The following RAP1GAP variants were observed in gnomAD, a reference collection of about 807,000 sequenced individuals.
RAP1GAP encodes RAP1 GTPase activating protein.
RAP1GAP carries 35 observed loss-of-function variants against 87.2 expected under a neutral mutation model. The ratio of observed to expected loss-of-function variants is 0.40; its 90% CI spans 0.31 to 0.53. The LOEUF (loss-of-function observed/expected upper bound fraction) is 0.53. Ranked by LOEUF, RAP1GAP falls within the 20% of genes least tolerant of loss-of-function variation. RAP1GAP has a pLI of 0.48. For missense variants in RAP1GAP, 734 were observed against 898.9 expected, an observed-to-expected ratio of 0.82 and a Z score of 2.35; for synonymous variants, 375 against 363.9, an observed-to-expected ratio of 1.03 and a Z score of -0.35.
rs570229293 is a variant in RAP1GAP, at chr1:21,609,335, G to T, written c.1071+240C>A. Among the ~76,000 whole-genome samples, 19 of 151,770 alleles carry T rather than the reference G, an allele frequency of 1.3e-4. No individual in the cohort carries two copies. The highest frequency in any genetic ancestry group is 2.5e-4 in the Non-Finnish European group (17 of 68,008). On this transcript the variant is annotated intron_variant, in intron 15 of 24. Transcript: ENST00000374765. The surrounding 1 kb of genome is among the most constrained non-coding windows in gnomAD (Gnocchi z 4.4). Reference sequence around the variant, plus strand: ...CAGAAAGAGAACAGAAATGAGGAGAGGCCAGTCTACTATGGAAAGTGTAAA... The same window carrying T: ...CAGAAAGAGAACAGAAATGAGGAGATGCCAGTCTACTATGGAAAGTGTAAA...
intron 5 of RAP1GAP, 50 bp downstream of exon 5, chr1:21,618,975 G>A (rs376654358): frequency 9.6e-5 from 148 of 1,539,664 alleles, no homozygotes; most frequent in Non-Finnish European, 1.3e-4. Context: ...AGCACTTCCC[G>A]GACCCCCTCC....
chr1:21,605,726 C>G (rs1317008951), intron 18 of RAP1GAP, among the ~76,000 whole-genome samples: 2 of 152,236 alleles, frequency 1.3e-5, no homozygotes, highest in Non-Finnish European at 2.9e-5. Flanking sequence ...GCCCAGTCCC[C>G]AGCAAACAGA....
At chr1:21,645,529 G>C (rs551939110) in intron 2 of RAP1GAP, among the ~76,000 whole-genome samples, 8 of 152,354 alleles carry the variant, frequency 5.3e-5, no homozygotes, top group African/African-American at 1.2e-4. Flanking sequence ...AGAAGTGGCT[G>C]CTAGGATAGC....
intron 2 of RAP1GAP, among the ~76,000 whole-genome samples, chr1:21,637,787 C>A (rs1205166950): frequency 6.6e-6 from 1 of 151,946 alleles, no homozygotes; most frequent in Non-Finnish European, 1.5e-5. Context: ...GTGAATAAAG[C>A]GGGCTGCACA....
At chr1:21,630,248 A>G (rs2093444584) in intron 2 of RAP1GAP, among the ~76,000 whole-genome samples, 1 of 150,604 alleles carries the variant, frequency 6.6e-6, no homozygotes, top group Admixed American at 6.7e-5. Context: ...TGCTCAATAA[A>G]TACTTTTTTC....
chr1:21,665,819 G>T (rs2097325028), intron 1 of RAP1GAP, among the ~76,000 whole-genome samples: 1 of 152,220 alleles, frequency 6.6e-6, no homozygotes, highest in Non-Finnish European at 1.5e-5. Flanking sequence ...CCCCTGCTTG[G>T]CCCTAGTGTG....
intron 18 of RAP1GAP, 148 bp downstream of exon 18, chr1:21,605,918 A>C (rs1025018019): frequency 1.9e-5 from 20 of 1,044,988 alleles, no homozygotes; most frequent in Non-Finnish European, 2.7e-5. Flanking sequence ...CTCCCATGGA[A>C]AGTAGTGGCT....
At chr1:21,605,022 T>G (rs1175734690) in intron 18 of RAP1GAP, among the ~76,000 whole-genome samples, 1 of 91,160 alleles carries the variant, frequency 1.1e-5, no homozygotes, top group African/African-American at 4.4e-5. Context: ...GATAGCTAGA[T>G]GGGTGGATGG....
chr1:21,611,542 C>T lies in RAP1GAP; in HGVS notation c.753G>A (p.Gly251=). The part of the protein sequence containing the change: ...GGLDVTHGQT[G]TESVYCNFRN... Reference sequence around the variant, plus strand: ...GGAAGTTGCAGTACACAGATTCGGTCCCCGTCTGCCCGTGGGTCACGTCCA... The same window carrying T: ...GGAAGTTGCAGTACACAGATTCGGTTCCCGTCTGCCCGTGGGTCACGTCCA... The change falls in exon 13 of 25, where the codon GGG becomes GGA. Residue 251 remains glycine (G), a synonymous_variant. Coordinates refer to ENST00000374765, the MANE Select transcript of RAP1GAP (RefSeq NM_002885.4). The T allele has an allele frequency of 6.2e-7, 1 of 1,614,184 alleles. No individual in the cohort carries two copies. Among genetic ancestry groups the T allele is most frequent in the Non-Finnish European group, 8.5e-7 (1 of 1,180,030 alleles).
chr1:21,651,485 G>A (rs769908706), intron 1 of RAP1GAP: 6 of 624,178 alleles, frequency 9.6e-6, no homozygotes, highest in South Asian at 4.2e-5. Flanking sequence ...ATGCATAAGC[G>A]CCACTATCAT....
At chr1:21,599,120 G>A (rs978246451) in intron 21 of RAP1GAP, among the ~76,000 whole-genome samples, 6 of 152,244 alleles carry the variant, frequency 3.9e-5, no homozygotes, top group Non-Finnish European at 8.8e-5. Context: ...AAAGAAAGGA[G>A]GAGGCGGCAG....
intron 2 of RAP1GAP, among the ~76,000 whole-genome samples, chr1:21,630,300 C>T (rs2093471200): frequency 2.0e-5 from 3 of 150,476 alleles, no homozygotes. Context: ...CAGGATCTTG[C>T]TCTTGCTGCC....
intron 6 of RAP1GAP, 70 bp downstream of exon 6, chr1:21,617,864 G>A (rs1038333604): frequency 1.8e-5 from 28 of 1,595,798 alleles, no homozygotes; most frequent in Non-Finnish European, 2.4e-5. Context: ...GGAGGACCTG[G>A]TATCCAGAAG....
intron 1 of RAP1GAP, among the ~76,000 whole-genome samples, chr1:21,663,709 G>A (rs960183938): frequency 2.0e-5 from 3 of 152,110 alleles, no homozygotes; most frequent in Non-Finnish European, 4.4e-5. Flanking sequence ...GCAGAGGGCT[G>A]GACCCATCTG....
intron 7 of RAP1GAP, among the ~76,000 whole-genome samples, chr1:21,616,111 C>A (rs1371518120): frequency 2.0e-5 from 3 of 150,128 alleles, no homozygotes; most frequent in African/African-American, 7.4e-5. Context: ...TCTTCCGAAC[C>A]CCCAAGGAGT....
At chr1:21,643,005 T>G (rs2095664181) in intron 2 of RAP1GAP, among the ~76,000 whole-genome samples, 1 of 151,958 alleles carries the variant, frequency 6.6e-6, no homozygotes. Flanking sequence ...TTCTCTGAGA[T>G]CTCAGCAACC....
At position 21,597,722 on chromosome 1, in the gene RAP1GAP, A is replaced by C; in HGVS notation, c.1990T>G (p.Ter664GluextTer6). ...CACCTTCAGAGGGGGTGGCCCGGCT[A>C]ACAGCCCTGCAGACAGACAGTGGTG... ...SEQHMPQLGC[*>E] is the part of the protein sequence containing the mutation. Residue 664 changes from the stop codon to glutamate (E), a stop_lost, in exon 24 of 25, where the codon TAG (stop) becomes GAG (glutamate). Coordinates refer to ENST00000374765, the MANE Select transcript of RAP1GAP (RefSeq NM_002885.4). The C allele has an allele frequency of 6.2e-7, 1 of 1,613,482 alleles. No individual in the cohort carries two copies. The highest frequency in any genetic ancestry group is 8.5e-7 in the Non-Finnish European group (1 of 1,179,596).
At chr1:21,611,624 G>C in intron 12 of RAP1GAP, 43 bp from the exon 13 acceptor site, 2 of 1,613,784 alleles carry the variant, frequency 1.2e-6, no homozygotes, top group Middle Eastern at 1.7e-4. Flanking sequence ...CTCCAGCCCT[G>C]GCCAGGCCTC....
At chr1:21,637,367 C>G (rs1324681441) in intron 2 of RAP1GAP, among the ~76,000 whole-genome samples, 2 of 151,376 alleles carry the variant, frequency 1.3e-5, no homozygotes, top group East Asian at 1.9e-4. Context: ...GTTGCCCAAG[C>G]TGGTCTGAAC....
Sources: gnomAD v4.1 joint callset for allele counts (sites outside exome capture counted in the v4.1 genomes callset) on GRCh38, gnomAD v4.1.1 for gene constraint, Gnocchi (gnomAD v3.1) non-coding constraint, MANE v1.5 for transcripts, NCBI Gene and HGNC (gene_info 2026-07-23, HGNC 2026-07-21) for gene names.